Variants in ADCYAP1 observed in about 807,000 individuals in gnomAD.
The protein encoded by ADCYAP1 is pituitary adenylate cyclase-activating polypeptide.
ADCYAP1 carries 6 observed loss-of-function variants against 18.5 expected under a neutral mutation model. The observed-to-expected ratio is 0.32, with a 90% CI of 0.18 to 0.64. ADCYAP1 has a LOEUF of 0.64. Among genes scored for constraint, ADCYAP1 ranks in the 30% least tolerant of loss-of-function variants. The probability of loss-of-function intolerance (pLI) is 0.77; values close to 1 mark genes in which losing one functional copy is unlikely to be tolerated. For synonymous variants in ADCYAP1, 136 were observed against 113.9 expected, an observed-to-expected ratio of 1.19 and a Z score of -1.24; for missense variants, 314 against 253.6, an observed-to-expected ratio of 1.24 and a Z score of -1.62.
At position 907,694 on chromosome 18, in the gene ADCYAP1, C is replaced by A. The variant is rs1386032958; in HGVS notation, c.146C>A (p.Pro49Gln). Residue 49 changes from proline (P) to glutamine (Q), a missense_variant, in exon 3 of 5, where the codon CCG (proline) becomes CAG (glutamine). Physicochemically the swap from Pro to Gln is moderately conservative, Grantham distance 76. Transcript: ENST00000450565. Reference sequence around the variant, plus strand: ...GAGGCGTACGGCGAGGACGGAAACCCGCTGCCAGACTTCGATGGCTCGGAG... The same window carrying A: ...GAGGCGTACGGCGAGGACGGAAACCAGCTGCCAGACTTCGATGGCTCGGAG... ...EEEAYGEDGN[P>Q]LPDFDGSEPP... is the part of the protein sequence containing the mutation. 6.4e-7 allele frequency: 1 copy of A among 1,569,758 alleles called. No homozygotes were observed. The highest frequency in any genetic ancestry group is 8.6e-7 in the Non-Finnish European group (1 of 1,166,306).
intron 2 of ADCYAP1, among the ~76,000 whole-genome samples, chr18:906,886 C>T (rs1259903190): frequency 2.0e-5 from 3 of 152,230 alleles, no homozygotes; most frequent in Non-Finnish European, 4.4e-5. Flanking sequence ...GATGGGGCAC[C>T]GCCATCGATA....
Position 904,938 on chromosome 18 carries a change from T to C in ADCYAP1, c.-124T>C, listed in dbSNP as rs1456609212. On this transcript the variant is annotated 5_prime_UTR_variant, in exon 1 of 5. Transcript: ENST00000450565. Reference sequence around the variant, plus strand: ...TGCTCCCGCTGGTTCCTGCGGCTTCTGCTCAGACACCAACGCCAGACGGCG... The same window carrying C: ...TGCTCCCGCTGGTTCCTGCGGCTTCCGCTCAGACACCAACGCCAGACGGCG... 1 of 1,290,470 alleles carries C rather than the reference T, an allele frequency of 7.7e-7. No homozygotes were observed. The highest frequency in any genetic ancestry group is 2.3e-5 in the Admixed American group (1 of 43,584). The allele number at this position is 1,290,470 out of a possible 1,614,324, so 79.9% of individuals were successfully genotyped here. A position where few individuals can be genotyped will look rare whatever the true frequency, so the allele number is the denominator to read the frequency against.
chr18:907,801 C>G lies in ADCYAP1; in HGVS notation c.242+11C>G, dbSNP rs779756298. 1 of 1,421,308 alleles carries G rather than the reference C, an allele frequency of 7.0e-7. No individual in the cohort carries two copies. The highest frequency in any genetic ancestry group is 9.1e-7 in the Non-Finnish European group (1 of 1,102,846). 88.0% of individuals were successfully genotyped at this position (1,421,308 alleles called of 1,614,324 possible). ...CCCGGCCGGGAGAAGGTGAGATTCG[C>G]GCGGCCTCGCGCACACCCGCGGCTG... On this transcript the variant is annotated intron_variant, in intron 3 of 4. Coordinates refer to ENST00000450565, the MANE Select transcript of ADCYAP1 (RefSeq NM_001099733.2).
rs1251943582 is a variant in ADCYAP1 at position 907,778 on chromosome 18, C to T, written c.230C>T (p.Pro77Leu). ...APRAAAAWYRPAGRRDVAHGI... is the reference protein window; with the variant it reads ...APRAAAAWYRLAGRRDVAHGI... ...CGCGCCGCCGCCGCCTGGTACCGCCCGGCCGGGAGAAGGTGAGATTCGCGC... is the reference window on the plus strand; with the variant it reads ...CGCGCCGCCGCCGCCTGGTACCGCCTGGCCGGGAGAAGGTGAGATTCGCGC... The change falls in exon 3 of 5, where the codon CCG becomes CTG. Residue 77 changes from proline to leucine, a missense_variant. Transcript: ENST00000450565. The T allele has an allele frequency of 9.0e-6, 13 of 1,446,696 alleles. No individual in the cohort carries two copies. Among genetic ancestry groups the T allele is most frequent in the African/African-American group, 1.5e-5 (1 of 67,178 alleles). 89.6% of individuals were successfully genotyped at this position (1,446,696 alleles called of 1,614,324 possible).
At position 908,260 on chromosome 18, in the gene ADCYAP1, G is replaced by T. The variant is rs1034569765; in HGVS notation, c.243-5G>T. ...CCCTGGGCGCGCACTTTGCCTCCCCGTTAGAGATGTCGCCCACGGGATCCT... is the reference window on the plus strand; with the variant it reads ...CCCTGGGCGCGCACTTTGCCTCCCCTTTAGAGATGTCGCCCACGGGATCCT... On this transcript the variant is annotated splice_region_variant and splice_polypyrimidine_tract_variant and intron_variant, in intron 3 of 4. Transcript: ENST00000450565. The T allele has an allele frequency of 9.3e-6, 15 of 1,610,868 alleles. No individual in the cohort carries two copies. Among genetic ancestry groups the T allele is most frequent in the Middle Eastern group, 1.7e-4 (1 of 6,052 alleles).
chr18:909,451 G>A lies in ADCYAP1; in HGVS notation c.347G>A (p.Ser116Asn), dbSNP rs1396169229. The A allele has an allele frequency of 1.2e-6, 2 of 1,611,524 alleles. No individual in the cohort carries two copies. Among genetic ancestry groups the A allele is most frequent in the Non-Finnish European group, 1.7e-6 (2 of 1,179,390 alleles). The change falls in exon 5 of 5, where the codon AGC (serine) becomes AAC (asparagine). Residue 116 changes from serine to asparagine, a missense_variant. Physicochemically the swap from Ser to Asn is conservative, Grantham distance 46 (BLOSUM62 1). Coordinates refer to ENST00000450565, the MANE Select transcript of ADCYAP1 (RefSeq NM_001099733.2). ...CCCGACCCCTTTGCTTGCAGTGGGA[G>A]CCTCGGCGGCGGCGCGGGGGACGAC... ...QSLVARGVGG[S>N]LGGGAGDDAE...
At chr18:907,903 C>T (rs1293574091) in intron 3 of ADCYAP1, 113 bp downstream of exon 3, 1 of 1,374,206 alleles carries the variant, frequency 7.3e-7, no homozygotes, top group East Asian at 2.9e-5. Context: ...CGTGAAAGTC[C>T]TCAAGCCTGT....
chr18:904,492 G>T (rs2143096075), upstream of ADCYAP1: 4 of 1,289,128 alleles, frequency 3.1e-6, no homozygotes, highest in Non-Finnish European at 4.0e-6. Context: ...AGATTTTTGC[G>T]AACTGCACAG....
upstream of ADCYAP1, chr18:904,838 C>T (rs998962619): frequency 1.6e-6 from 2 of 1,286,880 alleles, no homozygotes; most frequent in Non-Finnish European, 2.0e-6. Context: ...GTCACGCTCC[C>T]TCCTGGTTCT....
In ADCYAP1 at chr18:905,054, T is replaced by C. The variant is rs1003751440; in HGVS notation, c.-8T>C. 4 of 1,297,248 alleles carry C rather than the reference T, an allele frequency of 3.1e-6. No individual in the cohort carries two copies. The African/African-American group carries it at 6.0e-5, about 20-fold the overall frequency. The allele number at this position is 1,297,248 out of a possible 1,614,324, so 80.4% of individuals were successfully genotyped here. On this transcript the variant is annotated 5_prime_UTR_variant, in exon 1 of 5. Transcript: ENST00000450565. ...GCAGCTCTCCTGGCAGCGGGAGGAG[T>C]TGAAGGGTAAGGGAGGGAAAATCTT...
chr18:905,185 G>A, intron 1 of ADCYAP1, 125 bp downstream of exon 1: 2 of 1,419,748 alleles, frequency 1.4e-6, no homozygotes, highest in Admixed American at 2.9e-5. Context: ...GCGCCGGGTA[G>A]ATGCATATAT....
intron 4 of ADCYAP1, 86 bp from the exon 5 acceptor site, chr18:909,360 C>G: frequency 7.3e-7 from 1 of 1,368,776 alleles, no homozygotes; most frequent in Non-Finnish European, 9.9e-7. Context: ...AAGGCTCCCG[C>G]GTGGGGTGGG....
At chr18:905,597 G>A (rs1224334591) in intron 2 of ADCYAP1, 101 bp downstream of exon 2, 3 of 1,353,716 alleles carry the variant, frequency 2.2e-6, no homozygotes, top group Non-Finnish European at 3.0e-6. Context: ...CAGACTACTA[G>A]CATCGCCCTC....
At chr18:906,430 A>G (rs1909173267) in intron 2 of ADCYAP1, 1 of 152,408 alleles carries the variant, frequency 6.6e-6, no homozygotes, top group South Asian at 2.1e-4. Flanking sequence ...AGCCCCGCCC[A>G]GGAACATTAG....
chr18:907,833 C>T (rs1311618833), intron 3 of ADCYAP1, 43 bp downstream of exon 3: 2 of 1,415,496 alleles, frequency 1.4e-6, no homozygotes, highest in South Asian at 1.6e-5. Context: ...GCTGGGAGCT[C>T]GGGACTGCGG....
intron 3 of ADCYAP1, 100 bp from the exon 4 acceptor site, chr18:908,164 TC>T: frequency 9.4e-7 from 1 of 1,064,664 alleles, no homozygotes; most frequent in Non-Finnish European, 1.4e-6. Context: ...CCTGTCAGCC[TC>T]CCCGGCCGCC....
chr18:905,401 C>T lies in ADCYAP1; in HGVS notation c.15C>T (p.Ser5=). MTMC[S]GARLALLVYG... is the part of the protein sequence containing the mutation. ...TCCTGCGCAGAATGACCATGTGTAG[C>T]GGAGCGAGGCTGGCCCTGCTGGTCT... Residue 5 remains serine, a synonymous_variant, in exon 2 of 5, where the codon AGC becomes AGT. Coordinates refer to ENST00000450565, the MANE Select transcript of ADCYAP1 (RefSeq NM_001099733.2). 1 of 1,613,064 alleles carries T rather than the reference C, an allele frequency of 6.2e-7. No individual in the cohort carries two copies. Among genetic ancestry groups the T allele is most frequent in the Non-Finnish European group, 8.5e-7 (1 of 1,179,990 alleles).
chr18:908,197 G>T, intron 3 of ADCYAP1, 68 bp from the exon 4 acceptor site: 1 of 1,429,760 alleles, frequency 7.0e-7, no homozygotes. Flanking sequence ...CGCCCAACAA[G>T]GGGGTCTCTA....
At chr18:905,240 G>T (rs928393979) in intron 1 of ADCYAP1, 146 bp from the exon 2 acceptor site, 175 of 1,470,770 alleles carry the variant, frequency 1.2e-4, no homozygotes, top group Non-Finnish European at 1.4e-4. Context: ...GGCAGGGCGC[G>T]CACCGGCTGT....
Sources: allele counts gnomAD v4.1 joint callset (sites outside exome capture counted in the v4.1 genomes callset), GRCh38; gene constraint gnomAD v4.1.1; transcripts MANE v1.5; gene names NCBI Gene and HGNC (gene_info 2026-07-23, HGNC 2026-07-21).